The following ZHX2 variants were observed in gnomAD, a reference collection of about 807,000 sequenced individuals.
ZHX2 encodes the protein zinc fingers and homeoboxes protein 2.
ZHX2 carries 6 observed loss-of-function variants against 21.9 expected under a neutral mutation model. The observed-to-expected ratio is 0.27, with a 90% CI of 0.15 to 0.54. The LOEUF (loss-of-function observed/expected upper bound fraction) is 0.54. Ranked by LOEUF, ZHX2 falls within the 20% of genes least tolerant of loss-of-function variation. The pLI, the probability that ZHX2 is intolerant of heterozygous loss-of-function variation, is 0.95. For missense variants in ZHX2, 908 were observed against 1,090.7 expected (o/e 0.83, Z 2.36); for synonymous variants, 434 against 437.1 (o/e 0.99, Z 0.09).
chr8:122,934,671 C>T (rs1268714121), intron 2 of ZHX2, among the ~76,000 whole-genome samples: 1 of 150,810 alleles, frequency 6.6e-6, no homozygotes, highest in African/African-American at 2.5e-5. Flanking sequence ...TCCTTCCTTC[C>T]TGCCTTCCTT....
chr8:122,944,480 CCTT>C (rs749409297), intron 2 of ZHX2, among the ~76,000 whole-genome samples: 3 of 152,180 alleles, frequency 2.0e-5, no homozygotes, highest in African/African-American at 4.8e-5. Flanking sequence ...AACTCTTTCT[CCTT>C]CTTGTATTTG....
chr8:122,857,202 G>T (rs1819047506), intron 1 of ZHX2, among the ~76,000 whole-genome samples: 1 of 152,082 alleles, frequency 6.6e-6, no homozygotes. Context: ...TAATGTCATT[G>T]AAGTCTTTAA....
chr8:122,826,028 ACT>A (rs1818259419), intron 1 of ZHX2, among the ~76,000 whole-genome samples: 1 of 152,004 alleles, frequency 6.6e-6, no homozygotes, highest in Non-Finnish European at 1.5e-5. Flanking sequence ...CGAATCTGTG[ACT>A]CTAAGGGTGA....
chr8:122,796,380 C>T lies in ZHX2; in HGVS notation c.-283+14434C>T, dbSNP rs1310808057. ...ACACTGTCCTCTTGCAGTTTTGTCA[C>T]CAGTGGGATGGTGGGATTATTAAGA... On this transcript the variant is annotated intron_variant, in intron 1 of 3. Coordinates refer to ENST00000314393, the MANE Select transcript of ZHX2 (RefSeq NM_014943.5). Among the ~76,000 whole-genome samples, 3 of 152,034 alleles carry T rather than the reference C, an allele frequency of 2.0e-5. No individual in the cohort carries two copies. The East Asian group carries it at 5.8e-4, about 29-fold the overall frequency.
chr8:122,894,356 C>T (rs931668509), intron 2 of ZHX2, among the ~76,000 whole-genome samples: 1 of 152,178 alleles, frequency 6.6e-6, no homozygotes, highest in Admixed American at 6.5e-5. Flanking sequence ...ATCCAGCTGC[C>T]CTGCCTGACA....
intron 2 of ZHX2, among the ~76,000 whole-genome samples, chr8:122,883,150 C>G (rs541775437): frequency 6.6e-6 from 1 of 152,198 alleles, no homozygotes; most frequent in Non-Finnish European, 1.5e-5. Context: ...CCCACATCCC[C>G]TCATCTGCCG....
At chr8:122,902,985 T>C (rs928012592) in intron 2 of ZHX2, among the ~76,000 whole-genome samples, 2 of 152,132 alleles carry the variant, frequency 1.3e-5, no homozygotes, top group African/African-American at 2.4e-5. Context: ...GTGAGACTCA[T>C]GTGCACAGGG....
At chr8:122,897,182 T>G (rs1178767253) in intron 2 of ZHX2, among the ~76,000 whole-genome samples, 1 of 152,234 alleles carries the variant, frequency 6.6e-6, no homozygotes, top group Non-Finnish European at 1.5e-5. Context: ...CAAAACAGCA[T>G]GGTAGCTATG....
At chr8:122,817,137 G>C (rs933694277) in intron 1 of ZHX2, among the ~76,000 whole-genome samples, 1 of 152,224 alleles carries the variant, frequency 6.6e-6, no homozygotes, top group African/African-American at 2.4e-5. Context: ...TGCAAGGAAG[G>C]TTGGAAAATG....
rs1813227896 is a variant in ZHX2, at chr8:122,954,010, G to T, written c.2500G>T (p.Ala834Ser). The T allele has an allele frequency of 6.2e-7, 1 of 1,601,732 alleles. No homozygotes were observed. Among genetic ancestry groups the T allele is most frequent in the South Asian group, 1.1e-5 (1 of 88,706 alleles). The stretch of plus-strand genomic sequence containing the variant: ...AGACTCCGACTGCGTCCCTGCAGAG[G>T]CTGGCCAGGCCTAGACAGGTAATTC... ...ESDSDCVPAE[A>S]GQA is the part of the protein sequence containing the mutation. The change falls in exon 3 of 4, where the codon GCT becomes TCT. Residue 834 changes from alanine to serine, a missense_variant. Coordinates refer to ENST00000314393, the MANE Select transcript of ZHX2 (RefSeq NM_014943.5).
chr8:122,962,765 T>G (rs1205496053), intron 3 of ZHX2, among the ~76,000 whole-genome samples: 1 of 152,190 alleles, frequency 6.6e-6, no homozygotes, highest in Non-Finnish European at 1.5e-5. Context: ...GTTCCCTTTT[T>G]ATCACATCCA....
chr8:122,953,611 G>C lies in ZHX2; in HGVS notation c.2101G>C (p.Asp701His). Reference sequence around the variant, plus strand: ...GCAGTACCAGCACCAGCCCATGGCAGATGATCACGGCTACGATGCCGTAGC... The same window carrying C: ...GCAGTACCAGCACCAGCCCATGGCACATGATCACGGCTACGATGCCGTAGC... The part of the protein sequence containing the change: ...MEQYQHQPMA[D>H]DHGYDAVARK... Residue 701 changes from aspartate to histidine, a missense_variant, in exon 3 of 4, where the codon GAT becomes CAT. Transcript: ENST00000314393. This position sits in a 1 kb window ranked among gnomAD's most constrained non-coding sequence, Gnocchi z 4.6. The C allele has an allele frequency of 6.2e-7, 1 of 1,614,218 alleles. No homozygotes were observed. The highest frequency in any genetic ancestry group is 2.2e-5 in the East Asian group (1 of 44,884).
chr8:122,901,303 T>C (rs958530947), intron 2 of ZHX2, among the ~76,000 whole-genome samples: 1 of 152,122 alleles, frequency 6.6e-6, no homozygotes, highest in African/African-American at 2.4e-5. Context: ...TGGAAGAAAA[T>C]GTCATTGTGC....
intron 3 of ZHX2, among the ~76,000 whole-genome samples, chr8:122,967,159 T>G (rs1235911904): frequency 6.6e-6 from 1 of 152,248 alleles, no homozygotes; most frequent in East Asian, 1.9e-4. Flanking sequence ...CAATTCAGAT[T>G]TCATCTTGGT....
intron 2 of ZHX2, among the ~76,000 whole-genome samples, chr8:122,919,643 C>T (rs2130071403): frequency 6.6e-6 from 1 of 152,268 alleles, no homozygotes; most frequent in African/African-American, 2.4e-5. Context: ...TAAAGTACTT[C>T]TGCATCTATT....
At chr8:122,809,952 G>A (rs1019631768) in intron 1 of ZHX2, among the ~76,000 whole-genome samples, 8 of 152,038 alleles carry the variant, frequency 5.3e-5, no homozygotes, top group Admixed American at 2.6e-4. Context: ...GGGTAGGGGG[G>A]GTGGAGGGCT....
Position 122,953,404 on chromosome 8 carries a change from G to C in ZHX2, c.1894G>C (p.Ala632Pro), listed in dbSNP as rs370990863. The C allele has an allele frequency of 2.7e-5, 43 of 1,614,052 alleles. No homozygotes were observed. In the African/African-American group the frequency reaches 5.3e-4, roughly 20 times the overall value. Residue 632 changes from alanine (A) to proline (P), a missense_variant, in exon 3 of 4, where the codon GCA becomes CCA. Around this residue, in one of 4 missense-constraint regions of ZHX2, gnomAD observed 431 missense variants for 428.6 expected, o/e 1.01. Coordinates refer to ENST00000314393, the MANE Select transcript of ZHX2 (RefSeq NM_014943.5). The surrounding 1 kb of genome is among the most constrained non-coding windows in gnomAD (Gnocchi z 4.6). ...LTSSLPSPSPAIAKSQEQVHL... is the reference protein window; with the variant it reads ...LTSSLPSPSPPIAKSQEQVHL... ...AAGTTCTCTGCCCAGCCCTTCGCCA[G>C]CAATTGCAAAAAGTCAAGAACAGGT...
intron 2 of ZHX2, among the ~76,000 whole-genome samples, chr8:122,871,339 T>C (rs1201682413): frequency 6.6e-6 from 1 of 151,946 alleles, no homozygotes; most frequent in Non-Finnish European, 1.5e-5. Context: ...CATGGAATAC[T>C]AAGCAGCCAT....
intron 1 of ZHX2, among the ~76,000 whole-genome samples, chr8:122,857,506 T>G (rs1027620762): frequency 6.6e-6 from 1 of 152,222 alleles, no homozygotes; most frequent in African/African-American, 2.4e-5. Flanking sequence ...GAATTCAGTA[T>G]TCTCGTAAAT....
Sources: gnomAD v4.1 joint callset for allele counts (sites outside exome capture counted in the v4.1 genomes callset) on GRCh38, gnomAD v4.1.1 for gene constraint, gnomAD v4.1.1 regional missense constraint, Gnocchi (gnomAD v3.1) non-coding constraint, MANE v1.5 for transcripts, NCBI Gene and HGNC (gene_info 2026-07-23, HGNC 2026-07-21) for gene names.